The following PCNX2 variants were observed in gnomAD, a reference collection of about 807,000 sequenced individuals.
PCNX2 encodes pecanex 2.
A neutral mutation model predicts 223.8 loss-of-function variants in PCNX2; 168 were observed. The ratio of observed to expected loss-of-function variants is 0.75; its 90% CI spans 0.66 to 0.85. The LOEUF (loss-of-function observed/expected upper bound fraction) is 0.85. Among genes scored for constraint, PCNX2 ranks in the 40% least tolerant of loss-of-function variants. The pLI is 0.00. For missense variants in PCNX2, 2,507 were observed against 2,675.5 expected (o/e 0.94, Z 1.39); for synonymous variants, 1,006 against 1,052.6 (o/e 0.96, Z 0.86).
intron 19 of PCNX2, among the ~76,000 whole-genome samples, chr1:233,140,950 C>T (rs964342869): frequency 1.3e-5 from 2 of 152,166 alleles, no homozygotes; most frequent in Non-Finnish European, 2.9e-5. Flanking sequence ...GGGCTTCATG[C>T]TCTCCACAGC....
chr1:233,276,809 T>A (rs1376719415), intron 1 of PCNX2, among the ~76,000 whole-genome samples: 1 of 152,280 alleles, frequency 6.6e-6, no homozygotes, highest in Non-Finnish European at 1.5e-5. Flanking sequence ...CAGCAAGTAC[T>A]GTTCCATATT....
At chr1:233,036,928 CA>C (rs1671475684) in intron 25 of PCNX2, among the ~76,000 whole-genome samples, 2 of 152,178 alleles carry the variant, frequency 1.3e-5, no homozygotes, top group Admixed American at 1.3e-4. Context: ...CCTGCGATAG[CA>C]AAGACTCACC....
the PCNX2 span, among the ~76,000 whole-genome samples, chr1:233,303,300 G>A: frequency 2.0e-5 from 3 of 152,156 alleles, no homozygotes; most frequent in Non-Finnish European, 4.4e-5. Flanking sequence ...GATTGTTTGA[G>A]CTCAGGAGTT....
At chr1:233,277,166 G>A (rs927804791) in intron 1 of PCNX2, among the ~76,000 whole-genome samples, 2 of 152,280 alleles carry the variant, frequency 1.3e-5, no homozygotes, top group East Asian at 3.9e-4. Context: ...CAGAAAAGAA[G>A]AAAGGAGTGG....
chr1:233,205,592 G>C (rs184511755), intron 13 of PCNX2, among the ~76,000 whole-genome samples: 1 of 152,224 alleles, frequency 6.6e-6, no homozygotes, highest in South Asian at 2.1e-4. Context: ...CTACTTGGGA[G>C]GCTGAGGCAG....
intron 28 of PCNX2, among the ~76,000 whole-genome samples, chr1:233,005,980 G>T (rs1670270502): frequency 6.6e-6 from 1 of 152,120 alleles, no homozygotes; most frequent in African/African-American, 2.4e-5. Flanking sequence ...TAGTCGGTCA[G>T]CTGGGAAGTC....
At chr1:233,269,591 G>A (rs1235192038) in intron 1 of PCNX2, among the ~76,000 whole-genome samples, 1 of 152,130 alleles carries the variant, frequency 6.6e-6, no homozygotes, top group Non-Finnish European at 1.5e-5. Flanking sequence ...GTCAGAGAAG[G>A]CAGGGACATT....
At chr1:233,193,359 CA>C (rs1680527836) in intron 15 of PCNX2, among the ~76,000 whole-genome samples, 1 of 151,982 alleles carries the variant, frequency 6.6e-6, no homozygotes, top group African/African-American at 2.4e-5. Context: ...CAAAACATAA[CA>C]GGGAAACTTT....
chr1:233,195,374 A>G (rs1263597704), intron 15 of PCNX2, among the ~76,000 whole-genome samples: 3 of 152,212 alleles, frequency 2.0e-5, no homozygotes, highest in Non-Finnish European at 4.4e-5. Flanking sequence ...TAATGGTGAA[A>G]GACTTTTCCC....
chr1:233,259,020 G>A lies in PCNX2; in HGVS notation c.842C>T (p.Ser281Leu), dbSNP rs1340511608. The A allele has an allele frequency of 2.5e-6, 4 of 1,613,954 alleles. No individual in the cohort carries two copies. Among genetic ancestry groups the A allele is most frequent in the Non-Finnish European group, 2.5e-6 (3 of 1,179,886 alleles). ...ACTGACAGGTTCTGGAATCAGGACT[G>A]AATTCTCACTCCCCCACGGCTGGAA... ...VSFQPWGSEN[S>L]VLIPEPVSCP... The change falls in exon 5 of 34, where the codon TCA becomes TTA. Residue 281 changes from serine (S) to leucine (L), a missense_variant. Transcript: ENST00000258229.
chr1:233,287,473 G>A (rs1045591579), intron 1 of PCNX2, among the ~76,000 whole-genome samples: 2 of 152,160 alleles, frequency 1.3e-5, no homozygotes, highest in African/African-American at 4.8e-5. Context: ...TCATGATAGT[G>A]TATAAGTCTC....
chr1:233,052,756 C>CT (rs1050546352), intron 25 of PCNX2, among the ~76,000 whole-genome samples: 6 of 152,184 alleles, frequency 3.9e-5, no homozygotes, highest in African/African-American at 1.4e-4. Context: ...TCCTGAATAA[C>CT]TAAGAGACTG....
chr1:233,141,767 ATGTATATG>A (rs1677135803), intron 19 of PCNX2, among the ~76,000 whole-genome samples: 1 of 124,052 alleles, frequency 8.1e-6, no homozygotes. Context: ...GTGTGTGTAT[ATGTATATG>A]TGTGTGTGTG....
the PCNX2 span, among the ~76,000 whole-genome samples, chr1:233,325,512 A>AAC: frequency 1.3e-5 from 2 of 151,016 alleles, no homozygotes; most frequent in Admixed American, 6.6e-5. Context: ...CAAAAAAAAA[A>AAC]AAAACCAAAA....
At chr1:233,063,821 C>T (rs1192437180) in intron 23 of PCNX2, among the ~76,000 whole-genome samples, 1 of 151,924 alleles carries the variant, frequency 6.6e-6, no homozygotes, top group Non-Finnish European at 1.5e-5. Flanking sequence ...GGAATATTTC[C>T]CATTTCTTTA....
chr1:233,239,926 C>T (rs1395911349), intron 8 of PCNX2, among the ~76,000 whole-genome samples: 1 of 152,210 alleles, frequency 6.6e-6, no homozygotes, highest in Non-Finnish European at 1.5e-5. Context: ...AGCATATTAA[C>T]TTCCCTCTTA....
chr1:233,184,607 C>T (rs1278024757), intron 15 of PCNX2, among the ~76,000 whole-genome samples: 1 of 152,028 alleles, frequency 6.6e-6, no homozygotes, highest in Non-Finnish European at 1.5e-5. Flanking sequence ...CAAACATTTC[C>T]AACAAAAACA....
Position 233,233,424 on chromosome 1 carries a change from C to CTGTGTGTGTGTGTGTG in PCNX2, c.2358+3405_2358+3420dup, listed in dbSNP as rs57458756. Among the ~76,000 whole-genome samples the CTGTGTGTGTGTGTGTG allele has an allele frequency of 3.4e-4, 48 of 140,240 alleles. 3 individuals are homozygous for CTGTGTGTGTGTGTGTG. Among genetic ancestry groups the CTGTGTGTGTGTGTGTG allele is most frequent in the African/African-American group, 1.1e-4 (4 of 37,206 alleles). 92.0% of individuals were successfully genotyped at this position (140,240 alleles called of 152,430 possible). ...CAATGAAAAATAACCTCCTCTTCTC[C>CTGTGTGTGTGTGTGTG]TGTGTGTGTGTGTGTGTGTGTGTGT... On this transcript the variant is annotated intron_variant, in intron 9 of 33. Coordinates refer to ENST00000258229, the MANE Select transcript of PCNX2 (RefSeq NM_014801.4).
chr1:233,048,971 C>A (rs890516617), intron 25 of PCNX2, among the ~76,000 whole-genome samples: 2 of 152,068 alleles, frequency 1.3e-5, no homozygotes, highest in Admixed American at 1.3e-4. Context: ...GAAATTAAAA[C>A]CCTAAACAGA....
Sources: gnomAD v4.1 joint callset for allele counts (sites outside exome capture counted in the v4.1 genomes callset) on GRCh38, gnomAD v4.1.1 for gene constraint, MANE v1.5 for transcripts, NCBI Gene and HGNC (gene_info 2026-07-23, HGNC 2026-07-21) for gene names.